MYH6: variants seen among roughly 807,000 people sequenced by gnomAD.
MYH6 encodes myosin-6.
A neutral mutation model predicts 223.2 loss-of-function variants in MYH6; 126 were observed. The observed-to-expected ratio is 0.56, with a 90% CI of 0.49 to 0.65. The LOEUF (loss-of-function observed/expected upper bound fraction) is 0.65, where lower values mean the gene tolerates loss of function less well. Ranked by LOEUF, MYH6 falls within the 30% of genes least tolerant of loss-of-function variation. The pLI is 0.00. For synonymous variants in MYH6, 978 were observed against 1,010.2 expected, an observed-to-expected ratio of 0.97 and a Z score of 0.61; for missense variants, 2,040 against 2,536.4, an observed-to-expected ratio of 0.80 and a Z score of 4.20.
At position 23,405,664 on chromosome 14, in the gene MYH6, A is replaced by C. The variant is rs376330318; in HGVS notation, c.308T>G (p.Phe103Cys). ...GGCCGCGTAGCGCTCCTTGAGGTTG[A>C]AAAGCACCGCGGGCTCGTGCAGGAA... is the stretch of plus-strand genomic sequence containing the variant. ...LTFLHEPAVL[F>C]NLKERYAAWM... is the part of the protein sequence containing the mutation. Residue 103 changes from phenylalanine to cysteine, a missense_variant, in exon 4 of 39, where the codon TTC becomes TGC. Phe to Cys is a radical substitution (Grantham distance 205). Coordinates refer to ENST00000405093, the MANE Select transcript of MYH6 (RefSeq NM_002471.4). The surrounding 1 kb of genome is among the most constrained non-coding windows in gnomAD (Gnocchi z 4.7). 1 of 1,614,196 alleles carries C rather than the reference A, an allele frequency of 6.2e-7. No homozygotes were observed. Among genetic ancestry groups the C allele is most frequent in the Non-Finnish European group, 8.5e-7 (1 of 1,180,026 alleles).
Position 23,407,329 on chromosome 14 carries a change from C to T in MYH6, c.-13-93G>A. The T allele has an allele frequency of 1.4e-6, 2 of 1,435,992 alleles. No homozygotes were observed. Among genetic ancestry groups the T allele is most frequent in the Non-Finnish European group, 9.7e-7 (1 of 1,036,060 alleles). The allele number at this position is 1,435,992 out of a possible 1,614,324, so 89.0% of individuals were successfully genotyped here. ...TCTGCAGCCCCCCTCCCTACCCCCGCTCCTCTCCTCCACCCTGGGAGAGGC... is the reference window on the plus strand; with the variant it reads ...TCTGCAGCCCCCCTCCCTACCCCCGTTCCTCTCCTCCACCCTGGGAGAGGC... On this transcript the variant is annotated intron_variant, in intron 2 of 38. Coordinates refer to ENST00000405093, the MANE Select transcript of MYH6 (RefSeq NM_002471.4). The surrounding 1 kb of genome is among the most constrained non-coding windows in gnomAD (Gnocchi z 5.6).
chr14:23,393,258 T>C, intron 23 of MYH6, 84 bp downstream of exon 23: 6 of 1,577,082 alleles, frequency 3.8e-6, no homozygotes, highest in Non-Finnish European at 5.2e-6. Context: ...TAGAAGTTAA[T>C]TCTAGGGATC....
rs1262690268 is a variant in MYH6 at position 23,404,380 on chromosome 14, C to T, written c.651G>A (p.Leu217=). The change falls in exon 8 of 39, where the codon CTG becomes CTA. Residue 217 remains leucine (L), a synonymous_variant. Coordinates refer to ENST00000405093, the MANE Select transcript of MYH6 (RefSeq NM_002471.4). ...GGTTGGCCTGGATGATCTGGTCCTCCAGGGTGCCCTATGAAAGGAGCAGAA... is the reference window on the plus strand; with the variant it reads ...GGTTGGCCTGGATGATCTGGTCCTCTAGGGTGCCCTATGAAAGGAGCAGAA... The part of the protein sequence containing the change: ...KDNANANKGT[L]EDQIIQANPA... 2 of 1,614,220 alleles carry T rather than the reference C, an allele frequency of 1.2e-6. No homozygotes were observed. The highest frequency in any genetic ancestry group is 4.5e-5 in the East Asian group (2 of 44,882).
At position 23,396,457 on chromosome 14, in the gene MYH6, C is replaced by G. The variant is rs746297065; in HGVS notation, c.2293-37G>C. ...GGGTAGATGCAACAGGCCGCAGCCT[C>G]AGAGGGGAGTATCCAGGGTGGAAGA... On this transcript the variant is annotated intron_variant, in intron 19 of 38. Transcript: ENST00000405093. 2.0e-5 allele frequency: 32 copies of G among 1,610,880 alleles called. No homozygotes were observed. The Admixed American group carries it at 3.7e-4, about 19-fold the overall frequency.
rs749005868 is a variant in MYH6, at chr14:23,405,197, C to A, written c.502+26G>T. The A allele has an allele frequency of 6.2e-7, 1 of 1,613,840 alleles. No individual in the cohort carries two copies. The highest frequency in any genetic ancestry group is 1.3e-5 in the African/African-American group (1 of 74,916). On this transcript the variant is annotated intron_variant, in intron 5 of 38. Transcript: ENST00000405093. This position sits in a 1 kb window ranked among gnomAD's most constrained non-coding sequence, Gnocchi z 4.7. ...CTGGGTGGGTGTCTGGGAGGAGGAG[C>A]AGAGACCAGGGGCCACCAGGCTCAC...
intron 15 of MYH6, 60 bp from the exon 16 acceptor site, chr14:23,397,673 G>C: frequency 6.4e-7 from 1 of 1,554,352 alleles, no homozygotes; most frequent in Non-Finnish European, 8.9e-7. Flanking sequence ...CCCTTGGGCA[G>C]AGGCAGAGCT....
At position 23,398,823 on chromosome 14, in the gene MYH6, T is replaced by A. The variant is rs201855741; in HGVS notation, c.1796A>T (p.Lys599Met). The A allele has an allele frequency of 6.2e-7, 1 of 1,614,170 alleles. No homozygotes were observed. The highest frequency in any genetic ancestry group is 1.3e-5 in the African/African-American group (1 of 75,034). Residue 599 changes from lysine (K) to methionine (M), a missense_variant, in exon 15 of 39, where the codon AAG becomes ATG. Physicochemically the swap from Lys to Met is moderately conservative, Grantham distance 95. Transcript: ENST00000405093. ...YNILGWLEKN[K>M]DPLNETVVAL... ...CACAACAGTCTCGTTGAGAGGATCC[T>A]TGTTTTTTTCCAGCCAGCCCAGGAT...
chr14:23,404,191 A>G, intron 8 of MYH6, 105 bp downstream of exon 8: 6 of 1,350,320 alleles, frequency 4.4e-6, no homozygotes, highest in Non-Finnish European at 6.4e-6. Flanking sequence ...GCATGTTGAT[A>G]TCCCAAAGCC....
At chr14:23,399,982 C>T (rs879120988) in intron 14 of MYH6, 87 of 511,164 alleles carry the variant, frequency 1.7e-4, no homozygotes, top group South Asian at 1.4e-3. Context: ...TTCTCATGGG[C>T]GGTCAGAGGG....
At chr14:23,397,118 G>A in intron 17 of MYH6, 38 bp from the exon 18 acceptor site, 1 of 1,614,244 alleles carries the variant, frequency 6.2e-7, no homozygotes, top group Non-Finnish European at 8.5e-7. Context: ...CAGCCTTAGG[G>A]TAAAGTGGAT....
chr14:23,407,225 T>C lies in MYH6; in HGVS notation c.-2A>G, dbSNP rs143563109. On this transcript the variant is annotated 5_prime_UTR_variant, in exon 3 of 39. Transcript: ENST00000405093. The surrounding 1 kb of genome is among the most constrained non-coding windows in gnomAD (Gnocchi z 5.6). ...GTCAGCCATCTGGGCATCGGTCATC[T>C]TGGTGCTTCCCCTGGGTCAGAGACA... 6.2e-7 allele frequency: 1 copy of C among 1,614,102 alleles called. No homozygotes were observed. The highest frequency in any genetic ancestry group is 1.3e-5 in the African/African-American group (1 of 74,950).
In MYH6 at chr14:23,382,362, A is replaced by G. The variant is rs1890886158; in HGVS notation, c.5796+66T>C. 4 of 1,606,864 alleles carry G rather than the reference A, an allele frequency of 2.5e-6. No individual in the cohort carries two copies. In the Admixed American group the frequency reaches 6.7e-5, roughly 27 times the overall value. ...ATAGGGCAAGCAGTGCCCACTCTGA[A>G]GGGCACCCATATCAGGGGGCATGCT... On this transcript the variant is annotated intron_variant, in intron 38 of 38. Coordinates refer to ENST00000405093, the MANE Select transcript of MYH6 (RefSeq NM_002471.4).
In MYH6 at chr14:23,396,773, A is replaced by G. The variant is rs535012567; in HGVS notation, c.2213T>C (p.Ile738Thr). Residue 738 changes from isoleucine (I) to threonine (T), a missense_variant, in exon 19 of 39, where the codon ATT (isoleucine) becomes ACT (threonine). Ile to Thr is a moderately conservative substitution (Grantham distance 89). Coordinates refer to ENST00000405093, the MANE Select transcript of MYH6 (RefSeq NM_002471.4). ...NPVAIPEGQF[I>T]DSRKGTEKLL... ...CTTCTCTGTCCCCTTCCTGCTATCA[A>G]TGAACTGTCCCTCAGGGATGGCCAC... The G allele has an allele frequency of 3.7e-6, 6 of 1,613,948 alleles. No homozygotes were observed. In the East Asian group the frequency reaches 8.9e-5, roughly 24 times the overall value.
intron 32 of MYH6, among the ~76,000 whole-genome samples, chr14:23,387,112 A>G (rs1271645525): frequency 6.6e-6 from 1 of 152,182 alleles, no homozygotes; most frequent in Non-Finnish European, 1.5e-5. Context: ...GTAAAATCAT[A>G]TGAGGTATGT....
Position 23,389,072 on chromosome 14 carries a change from G to GGCCCCC in MYH6, c.3979-18_3979-17insGGGGGC. 1 of 1,135,178 alleles carries GGCCCCC rather than the reference G, an allele frequency of 8.8e-7. No individual in the cohort carries two copies. The highest frequency in any genetic ancestry group is 1.3e-6 in the Non-Finnish European group (1 of 774,156). The allele number at this position is 1,135,178 out of a possible 1,614,324, so 70.3% of individuals were successfully genotyped here. A position where few individuals can be genotyped will look rare whatever the true frequency, so the allele number is the denominator to read the frequency against. ...GTTCTTCGCCTGGGGAGGGGGGGGG[G>GGCCCCC]CACCAGGAGGTGGGAGGGACTCCCT... On this transcript the variant is annotated splice_polypyrimidine_tract_variant and intron_variant, in intron 28 of 38. Coordinates refer to ENST00000405093, the MANE Select transcript of MYH6 (RefSeq NM_002471.4).
chr14:23,392,603 C>T lies in MYH6; in HGVS notation c.3301G>A (p.Val1101Met), dbSNP rs140996984. 6.8e-6 allele frequency: 11 copies of T among 1,612,970 alleles called. No homozygotes were observed. The African/African-American group carries it at 1.5e-4, about 22-fold the overall frequency. The part of the protein sequence containing the change: ...QQNSKIEDEQ[V>M]LALQLQKKLK... ...TTCTTCTGTAGTTGAAGGGCCAGCACCTGCTCATCCTCAATCTTACTGTTC... is the reference window on the plus strand; with the variant it reads ...TTCTTCTGTAGTTGAAGGGCCAGCATCTGCTCATCCTCAATCTTACTGTTC... The change falls in exon 25 of 39, where the codon GTG becomes ATG. Residue 1101 changes from valine to methionine, a missense_variant. Around this residue, in one of 4 missense-constraint regions of MYH6, gnomAD observed 1,203 missense variants for 1,400.2 expected, o/e 0.86. Transcript: ENST00000405093.
intron 36 of MYH6, 99 bp downstream of exon 36, chr14:23,384,343 C>A: frequency 6.4e-7 from 1 of 1,560,478 alleles, no homozygotes. Flanking sequence ...CTACCAACAG[C>A]ATCTCAAGGA....
Position 23,384,567 on chromosome 14 carries a change from G to A in MYH6, c.5440C>T (p.Leu1814=). The change falls in exon 36 of 39, where the codon CTG becomes TTG. Residue 1814 remains leucine (L), a synonymous_variant. Transcript: ENST00000405093. The part of the protein sequence containing the change: ...QIALKGGKKQ[L]QKLEARVREL... ...CGCACCCGCGCTTCCAGCTTCTGCA[G>A]CTGCTTCTTGCCTCCCTTGAGGGCG... The A allele has an allele frequency of 6.2e-7, 1 of 1,613,702 alleles. No individual in the cohort carries two copies.
At chr14:23,391,646 G>A (rs1891239693) in intron 25 of MYH6, among the ~76,000 whole-genome samples, 1 of 152,222 alleles carries the variant, frequency 6.6e-6, no homozygotes, top group African/African-American at 2.4e-5. Flanking sequence ...GCCCCAAAGT[G>A]AGAGGACAAG....
Sources: allele counts gnomAD v4.1 joint callset (sites outside exome capture counted in the v4.1 genomes callset), GRCh38; gene constraint gnomAD v4.1.1; regional missense constraint gnomAD v4.1.1; non-coding constraint Gnocchi (gnomAD v3.1); transcripts MANE v1.5; gene names NCBI Gene and HGNC (gene_info 2026-07-23, HGNC 2026-07-21).